LINGO1: variants seen among roughly 807,000 people sequenced by gnomAD.
LINGO1 encodes the protein leucine rich repeat and Ig domain containing 1, also known as leucine-rich repeat and immunoglobulin-like domain-containing nogo receptor-interacting protein 1.
In LINGO1, 11 loss-of-function variants were observed where a neutral mutation model predicts 37.3. The ratio of observed to expected loss-of-function variants is 0.29; its 90% CI spans 0.19 to 0.49. The LOEUF is 0.49. LINGO1 is among the 20% of genes least tolerant of loss of function. The pLI is 0.99. For synonymous variants in LINGO1, 387 were observed against 403.0 expected (o/e 0.96, Z 0.48); for missense variants, 585 against 878.2 (o/e 0.67, Z 4.22).
At chr15:77,729,801 A>C (rs998911539) in intron 2 of LINGO1, among the ~76,000 whole-genome samples, 3 of 152,178 alleles carry the variant, frequency 2.0e-5, no homozygotes, top group African/African-American at 7.2e-5. Flanking sequence ...GGAATCATAG[A>C]ACCAACTATT....
intron 2 of LINGO1, among the ~76,000 whole-genome samples, chr15:77,688,673 G>C (rs1366716789): frequency 1.3e-5 from 2 of 152,294 alleles, no homozygotes; most frequent in East Asian, 3.9e-4. Context: ...CGCCACGGTT[G>C]GTTATTTATA....
chr15:77,776,466 C>G (rs970382385), intron 1 of LINGO1, among the ~76,000 whole-genome samples: 1 of 129,804 alleles, frequency 7.7e-6, no homozygotes, highest in Non-Finnish European at 1.6e-5. Context: ...GGCAGGAAGG[C>G]AGGAAGGCAG....
Position 77,613,921 on chromosome 15 carries a change from G to C in LINGO1, c.*123C>G, listed in dbSNP as rs909079170. ...GGGGCAGCAGGGGACGGAGGCGGGA[G>C]GGAGAAAGAGAACGTGTGTAGAAGG... On this transcript the variant is annotated 3_prime_UTR_variant, in exon 2 of 2. Transcript: ENST00000355300. 1 of 821,358 alleles carries C rather than the reference G, an allele frequency of 1.2e-6. No homozygotes were observed. Among genetic ancestry groups the C allele is most frequent in the Admixed American group, 2.8e-5 (1 of 35,484 alleles). 50.9% of individuals were successfully genotyped at this position (821,358 alleles called of 1,614,324 possible).
At chr15:77,789,151 T>C (rs2076798797), upstream of LINGO1, among the ~76,000 whole-genome samples, 1 of 152,324 alleles carries the variant, frequency 6.6e-6, no homozygotes, top group Middle Eastern at 3.4e-3. Context: ...AGGGATTGAA[T>C]TGTGTGCCTC....
In LINGO1 at chr15:77,615,735, G is replaced by A; in HGVS notation, c.172C>T (p.His58Tyr). ...GGGACTGCCACAAAGCGCTTGCGGT[G>A]GCACAGCACAGCGCGGTCCTGGGCG... ...CSAQDRAVLC[H>Y]RKRFVAVPEG... The change falls in exon 2 of 2, where the codon CAC becomes TAC. Residue 58 changes from histidine to tyrosine, a missense_variant. By Grantham distance (83) the His-to-Tyr change is moderately conservative. Transcript: ENST00000355300. 6.3e-7 allele frequency: 1 copy of A among 1,594,812 alleles called. No individual in the cohort carries two copies. The highest frequency in any genetic ancestry group is 8.5e-7 in the Non-Finnish European group (1 of 1,173,164).
chr15:77,810,346 G>GCACACACACA (rs138640024), intron 1 of LINGO1, among the ~76,000 whole-genome samples: 12,038 of 148,878 alleles, frequency 0.081, 494 homozygotes, highest in Non-Finnish European at 0.094. Context: ...ACACACACAT[G>GCACACACACA]CACACACACA....
intron 2 of LINGO1, among the ~76,000 whole-genome samples, chr15:77,702,985 G>C (rs1410341004): frequency 6.6e-6 from 1 of 152,208 alleles, no homozygotes; most frequent in East Asian, 1.9e-4. Flanking sequence ...GAGGGGACTG[G>C]AGAGAACCCA....
chr15:77,783,026 A>G (rs1437715167), intron 1 of LINGO1, among the ~76,000 whole-genome samples: 3 of 151,830 alleles, frequency 2.0e-5, no homozygotes, highest in African/African-American at 4.8e-5. Context: ...ACAGCCAGCT[A>G]CTTCCCACCT....
intron 2 of LINGO1, among the ~76,000 whole-genome samples, chr15:77,728,854 ATAAC>A (rs1567550816): frequency 6.6e-6 from 1 of 152,272 alleles, no homozygotes; most frequent in Non-Finnish European, 1.5e-5. Context: ...GATTAAATAA[ATAAC>A]TATTTGTAAA....
At chr15:77,653,787 G>C (rs1048081291) in intron 3 of LINGO1, among the ~76,000 whole-genome samples, 1 of 151,194 alleles carries the variant, frequency 6.6e-6, no homozygotes, top group South Asian at 2.1e-4. Flanking sequence ...GGCTCGGAAA[G>C]GAAGAGGGGT....
chr15:77,696,821 T>C (rs983598864), upstream of LINGO1, among the ~76,000 whole-genome samples: 24 of 152,202 alleles, frequency 1.6e-4, no homozygotes, highest in African/African-American at 5.8e-4. Flanking sequence ...CACTCAGGAC[T>C]GGGTACCGGG....
chr15:77,811,260 CAAG>C (rs1476045337), intron 1 of LINGO1, among the ~76,000 whole-genome samples: 1 of 152,224 alleles, frequency 6.6e-6, no homozygotes, highest in African/African-American at 2.4e-5. Context: ...AAACAATAAA[CAAG>C]AAGTTGTTTT....
rs540430566 is a variant in LINGO1 at position 77,704,347 on chromosome 15, C to T, written c.-194-13446G>A. Among the ~76,000 whole-genome samples, 82 of 152,304 alleles carry T rather than the reference C, an allele frequency of 5.4e-4. No homozygotes were observed. In the South Asian group the frequency reaches 0.017, roughly 32 times the overall value. ...GCACTATGCTGAGCTCCAACCATGGCCACACATTAAGCCCCGACGCTGGTC... is the reference window on the plus strand; with the variant it reads ...GCACTATGCTGAGCTCCAACCATGGTCACACATTAAGCCCCGACGCTGGTC... On this transcript the variant is annotated intron_variant, in intron 2 of 3. Transcript: ENST00000561686.
At chr15:77,808,047 A>G (rs2076974412) in intron 1 of LINGO1, among the ~76,000 whole-genome samples, 1 of 152,104 alleles carries the variant, frequency 6.6e-6, no homozygotes, top group Admixed American at 6.5e-5. Context: ...TTACCCATGC[A>G]GGCTTGGGTC....
chr15:77,817,485 G>T (rs2077057944), intron 1 of LINGO1, among the ~76,000 whole-genome samples: 1 of 152,168 alleles, frequency 6.6e-6, no homozygotes, highest in Admixed American at 6.5e-5. Flanking sequence ...GGATGGTAGT[G>T]AACTCCCAGA....
chr15:77,790,392 G>A (rs907561209), upstream of LINGO1, among the ~76,000 whole-genome samples: 11 of 152,252 alleles, frequency 7.2e-5, no homozygotes, highest in Non-Finnish European at 7.3e-5. Context: ...GAGATGGGAT[G>A]TAGGATGGGC....
At chr15:77,643,315 A>G (rs2074551358) in intron 3 of LINGO1, among the ~76,000 whole-genome samples, 1 of 152,124 alleles carries the variant, frequency 6.6e-6, no homozygotes, top group Admixed American at 6.5e-5. Context: ...GGATCAGGGG[A>G]GACCCAGGGC....
intron 1 of LINGO1, among the ~76,000 whole-genome samples, chr15:77,631,637 C>T (rs1016430472): frequency 6.6e-6 from 1 of 152,256 alleles, no homozygotes; most frequent in East Asian, 1.9e-4. Context: ...CCACCTCCCA[C>T]CCGCTCTGCC....
At chr15:77,808,945 T>G (rs888565150) in intron 1 of LINGO1, among the ~76,000 whole-genome samples, 17 of 152,148 alleles carry the variant, frequency 1.1e-4, no homozygotes, top group African/African-American at 4.1e-4. Flanking sequence ...CCACTCCACA[T>G]GCAGTCACCC....
Sources: allele counts gnomAD v4.1 joint callset (sites outside exome capture counted in the v4.1 genomes callset), GRCh38; gene constraint gnomAD v4.1.1; transcripts MANE v1.5; gene names NCBI Gene and HGNC (gene_info 2026-07-23, HGNC 2026-07-21).